The following TRAPPC10 variants were observed in gnomAD, a reference collection of about 807,000 sequenced individuals.
TRAPPC10 encodes trafficking protein particle complex subunit 10, also known as TRAPP 130 kDa subunit.
Under a neutral mutation model 125.5 loss-of-function variants are expected in TRAPPC10, and 23 were observed. That is an observed-to-expected ratio of 0.18 (90% CI 0.13 to 0.26). The LOEUF is 0.26. Ranked by LOEUF, TRAPPC10 falls within the 10% of genes least tolerant of loss-of-function variation. The pLI, the probability that TRAPPC10 is intolerant of heterozygous loss-of-function variation, is 1.00. For missense variants in TRAPPC10, 1,123 were observed against 1,308.4 expected, an observed-to-expected ratio of 0.86 and a Z score of 2.19; for synonymous variants, 509 against 518.0, an observed-to-expected ratio of 0.98 and a Z score of 0.24.
At chr21:44,092,305 G>A (rs764973416) in intron 19 of TRAPPC10, among the ~76,000 whole-genome samples, 1 of 152,222 alleles carries the variant, frequency 6.6e-6, no homozygotes, top group Non-Finnish European at 1.5e-5. Context: ...GCGTAGACGT[G>A]TGCAGATCCA....
chr21:44,078,589 G>A (rs1340946008), intron 11 of TRAPPC10, among the ~76,000 whole-genome samples: 1 of 152,204 alleles, frequency 6.6e-6, no homozygotes, highest in African/African-American at 2.4e-5. Context: ...GAACTTTCTG[G>A]TTTTCCGGAT....
chr21:44,036,186 A>C (rs1390312937), intron 2 of TRAPPC10, among the ~76,000 whole-genome samples: 1 of 152,214 alleles, frequency 6.6e-6, no homozygotes, highest in African/African-American at 2.4e-5. Context: ...GCAAACAGAA[A>C]ATCATGCCAG....
intron 14 of TRAPPC10, among the ~76,000 whole-genome samples, chr21:44,083,611 C>T (rs1393622859): frequency 3.3e-5 from 5 of 152,196 alleles, no homozygotes; most frequent in African/African-American, 1.2e-4. Flanking sequence ...TACACACCCT[C>T]ATTTGTTAAA....
intron 7 of TRAPPC10, among the ~76,000 whole-genome samples, chr21:44,067,984 A>T (rs1382429675): frequency 6.6e-6 from 1 of 151,936 alleles, no homozygotes; most frequent in East Asian, 1.9e-4. Flanking sequence ...GCTGGGCGTG[A>T]TGGCAGGCGC....
intron 6 of TRAPPC10, among the ~76,000 whole-genome samples, chr21:44,061,844 CT>C (rs1419588896): frequency 6.6e-6 from 1 of 152,170 alleles, no homozygotes; most frequent in African/African-American, 2.4e-5. Context: ...GGTTAACAAC[CT>C]TGAGGTCATA....
At chr21:44,075,576 C>G (rs1490335895) in intron 9 of TRAPPC10, among the ~76,000 whole-genome samples, 1 of 152,084 alleles carries the variant, frequency 6.6e-6, no homozygotes, top group African/African-American at 2.4e-5. Context: ...GCCTCGACCT[C>G]CTGGGCTCAA....
At chr21:44,080,543 CT>C (rs59033671) in intron 13 of TRAPPC10, among the ~76,000 whole-genome samples, 188 of 140,384 alleles carry the variant, frequency 1.3e-3, no homozygotes, top group Admixed American at 2.6e-3. Context: ...TCTTCTTCTT[CT>C]TTTTTTTTTT....
In TRAPPC10 at chr21:44,082,564, T is replaced by C. The variant is rs2037829606; in HGVS notation, c.1724-224T>C. 6.6e-6 allele frequency among the ~76,000 whole-genome samples: 1 copy of C among 152,220 alleles called. No individual in the cohort carries two copies. The highest frequency in any genetic ancestry group is 2.4e-5 in the African/African-American group (1 of 41,450). ...CTTGAGAAGGTTAATTTCTGTACAT[T>C]TTATGATTTCTAGGCATTACGTAGG... On this transcript the variant is annotated intron_variant, in intron 13 of 22. Coordinates refer to ENST00000291574, the MANE Select transcript of TRAPPC10 (RefSeq NM_003274.5). This position sits in a 1 kb window ranked among gnomAD's most constrained non-coding sequence, Gnocchi z 4.4.
At chr21:44,091,816 G>C in intron 18 of TRAPPC10, 107 bp from the exon 19 acceptor site, 1 of 1,090,834 alleles carries the variant, frequency 9.2e-7, no homozygotes, top group Non-Finnish European at 1.3e-6. Flanking sequence ...ACTTTGCTTT[G>C]TTGCTTTTTT....
chr21:44,031,231 A>T (rs1056969933), intron 1 of TRAPPC10, among the ~76,000 whole-genome samples: 3 of 152,196 alleles, frequency 2.0e-5, no homozygotes, highest in African/African-American at 7.2e-5. Flanking sequence ...ATTCCCAATG[A>T]TTTCTTAAAG....
At chr21:44,078,563 C>A (rs1235116889) in intron 11 of TRAPPC10, among the ~76,000 whole-genome samples, 1 of 151,774 alleles carries the variant, frequency 6.6e-6, no homozygotes, top group Non-Finnish European at 1.5e-5. Flanking sequence ...GAAAGGGATT[C>A]TTAGATCAGC....
At position 44,037,816 on chromosome 21, in the gene TRAPPC10, G is replaced by A; in HGVS notation, c.174G>A (p.Met58Ile). The A allele has an allele frequency of 6.2e-7, 1 of 1,613,960 alleles. No homozygotes were observed. The highest frequency in any genetic ancestry group is 8.5e-7 in the Non-Finnish European group (1 of 1,179,962). ...GGTCCTATGGCCGGGCTCCGAAGATGATTCACCTAGAGTCTAACTTTGTTC... is the reference window on the plus strand; with the variant it reads ...GGTCCTATGGCCGGGCTCCGAAGATAATTCACCTAGAGTCTAACTTTGTTC... ...WRRSYGRAPKMIHLESNFVQF... is the reference protein window; with the variant it reads ...WRRSYGRAPKIIHLESNFVQF... The change falls in exon 3 of 23, where the codon ATG becomes ATA. Residue 58 changes from methionine (M) to isoleucine (I), a missense_variant. By Grantham distance (10) the Met-to-Ile change is conservative (BLOSUM62 1). Around this residue, in one of 4 missense-constraint regions of TRAPPC10, gnomAD observed 177 missense variants for 228.9 expected, o/e 0.77. Coordinates refer to ENST00000291574, the MANE Select transcript of TRAPPC10 (RefSeq NM_003274.5).
intron 3 of TRAPPC10, among the ~76,000 whole-genome samples, 179 bp downstream of exon 3, chr21:44,038,106 G>A (rs1212993388): frequency 6.6e-6 from 1 of 152,098 alleles, no homozygotes; most frequent in Non-Finnish European, 1.5e-5. Context: ...GGGTTGGAAA[G>A]GTGTGGGTCT....
At chr21:44,037,760 T>C (rs2034095775) in intron 2 of TRAPPC10, 32 bp from the exon 3 acceptor site, 4 of 1,602,080 alleles carry the variant, frequency 2.5e-6, no homozygotes, top group East Asian at 2.2e-5. Context: ...TGTTTAGTTG[T>C]TTTCTCAGTG....
At chr21:44,068,118 C>CAAAA (rs1282628289) in intron 7 of TRAPPC10, among the ~76,000 whole-genome samples, 2 of 77,052 alleles carry the variant, frequency 2.6e-5, no homozygotes, top group African/African-American at 8.8e-5. Context: ...GACTCCGTCT[C>CAAAA]AAAAAAAAAA....
chr21:44,094,950 T>G (rs1010506706), intron 20 of TRAPPC10, among the ~76,000 whole-genome samples: 1 of 151,512 alleles, frequency 6.6e-6, no homozygotes, highest in Non-Finnish European at 1.5e-5. Flanking sequence ...TTTATATAAC[T>G]CTCCTTAAAT....
chr21:44,020,478 A>G (rs1324459817), intron 1 of TRAPPC10, among the ~76,000 whole-genome samples: 1 of 144,350 alleles, frequency 6.9e-6, no homozygotes, highest in Non-Finnish European at 1.5e-5. Context: ...GATTGTATAC[A>G]TTTCAGAGTT....
Position 44,063,663 on chromosome 21 carries a change from C to G in TRAPPC10, c.916C>G (p.Leu306Val). 1.2e-6 allele frequency: 2 copies of G among 1,614,230 alleles called. No homozygotes were observed. Among genetic ancestry groups the G allele is most frequent in the Non-Finnish European group, 1.7e-6 (2 of 1,180,052 alleles). The change falls in exon 7 of 23, where the codon CTG becomes GTG. Residue 306 changes from leucine (L) to valine (V), a missense_variant. Coordinates refer to ENST00000291574, the MANE Select transcript of TRAPPC10 (RefSeq NM_003274.5). The surrounding 1 kb of genome is among the most constrained non-coding windows in gnomAD (Gnocchi z 4.4). ...GAGGCGAGAAGCCACCCTGTTAGAT[C>G]TGCGCAGTTACCTGTTCTCTCGCCA... is the stretch of plus-strand genomic sequence containing the variant. ...IQRREATLLD[L>V]RSYLFSRQCT...
In TRAPPC10 at chr21:44,083,037, C is replaced by T. The variant is rs767858285; in HGVS notation, c.1973C>T (p.Pro658Leu). 2 of 1,614,108 alleles carry T rather than the reference C, an allele frequency of 1.2e-6. No homozygotes were observed. Among genetic ancestry groups the T allele is most frequent in the South Asian group, 1.1e-5 (1 of 91,072 alleles). Reference protein sequence around the residue: ...HKTSNGIINFPPETAPFPVSQ... With the variant: ...HKTSNGIINFLPETAPFPVSQ... ...ACGTCCAATGGGATCATTAACTTTCCACCCGAGACCGCACCTTTCCCTGTA... is the reference window on the plus strand; with the variant it reads ...ACGTCCAATGGGATCATTAACTTTCTACCCGAGACCGCACCTTTCCCTGTA... Residue 658 changes from proline (P) to leucine (L), a missense_variant, in exon 14 of 23, where the codon CCA becomes CTA. Coordinates refer to ENST00000291574, the MANE Select transcript of TRAPPC10 (RefSeq NM_003274.5).
Sources: gnomAD v4.1 joint callset for allele counts (sites outside exome capture counted in the v4.1 genomes callset) on GRCh38, gnomAD v4.1.1 for gene constraint, gnomAD v4.1.1 regional missense constraint, Gnocchi (gnomAD v3.1) non-coding constraint, MANE v1.5 for transcripts, NCBI Gene and HGNC (gene_info 2026-07-23, HGNC 2026-07-21) for gene names.